BLTP1: variants seen among roughly 807,000 people sequenced by gnomAD.
BLTP1 encodes fragile site-associated protein.
the BLTP1 span, chr4:122,341,795 T>G: frequency 1.9e-5 from 19 of 985,304 alleles, no homozygotes; most frequent in Non-Finnish European, 2.0e-5. Context: ...ATGTGGAGCC[T>G]AAACTGAATT....
the BLTP1 span, chr4:122,331,404 C>T: frequency 6.2e-7 from 1 of 1,612,060 alleles, no homozygotes; most frequent in South Asian, 1.1e-5. Flanking sequence ...CAACACCAGT[C>T]AATAGAAGTC....
chr4:122,260,027 T>C, the BLTP1 span: 15 of 527,372 alleles, frequency 2.8e-5, no homozygotes, highest in Non-Finnish European at 3.4e-5. Flanking sequence ...TTCTGAGAAA[T>C]GGATCATTAG....
the BLTP1 span, chr4:122,333,634 A>C: frequency 6.3e-7 from 1 of 1,597,034 alleles, no homozygotes; most frequent in Non-Finnish European, 8.5e-7. Context: ...CACAGGAGTT[A>C]TGATCGAAGT....
the BLTP1 span, among the ~76,000 whole-genome samples, chr4:122,213,441 T>C: frequency 2.6e-5 from 4 of 151,342 alleles, no homozygotes; most frequent in East Asian, 5.8e-4. Flanking sequence ...TTTTATAATA[T>C]ATTCAAATTC....
At chr4:122,235,573 A>G in the BLTP1 span, 1 of 504,900 alleles carries the variant, frequency 2.0e-6, no homozygotes, top group Non-Finnish European at 2.6e-6. Context: ...TGGGAGGCCA[A>G]GGTGGGCGGA....
chr4:122,154,061 A>C, the BLTP1 span: 10 of 985,072 alleles, frequency 1.0e-5, no homozygotes, highest in Non-Finnish European at 1.2e-5. Flanking sequence ...AGGCTATCTG[A>C]AGAAAAGTAG....
chr4:122,309,533 A>G, the BLTP1 span: 1 of 1,446,752 alleles, frequency 6.9e-7, no homozygotes, highest in Non-Finnish European at 9.5e-7. Flanking sequence ...CCATTTGTGA[A>G]ATTAAAAGAT....
chr4:122,182,856 A>T, the BLTP1 span: 1 of 984,930 alleles, frequency 1.0e-6, no homozygotes, highest in Non-Finnish European at 1.2e-6. Context: ...CCAGCTTAAC[A>T]CAATGATTAA....
chr4:122,354,669 CTT>C, the BLTP1 span, among the ~76,000 whole-genome samples: 21 of 134,988 alleles, frequency 1.6e-4, no homozygotes, highest in Admixed American at 3.7e-4. Flanking sequence ...TTTTTCTTTT[CTT>C]TTTTTTTTTT....
chr4:122,292,526 G>A, the BLTP1 span: 7 of 822,968 alleles, frequency 8.5e-6, no homozygotes, highest in Non-Finnish European at 1.0e-5. Flanking sequence ...AAAAGTGAAA[G>A]GCTTACATTT....
chr4:122,330,869 A>G, the BLTP1 span: 2 of 388,080 alleles, frequency 5.2e-6, no homozygotes, highest in Non-Finnish European at 7.0e-6. Flanking sequence ...TTTTGAGTTG[A>G]TTTTTTTGTA....
the BLTP1 span, among the ~76,000 whole-genome samples, chr4:122,317,809 T>G: frequency 0.24 from 36,790 of 152,030 alleles, 4,840 homozygotes; most frequent in African/African-American, 0.31. Context: ...TGAAGCAAAA[T>G]ATACCTTTCC....
chr4:122,246,294 C>G, the BLTP1 span: 1 of 1,566,648 alleles, frequency 6.4e-7, no homozygotes, highest in South Asian at 1.2e-5. Flanking sequence ...GTTAGCATAC[C>G]AAAGGTAACA....
At chr4:122,325,721 G>A in the BLTP1 span, 4 of 845,894 alleles carry the variant, frequency 4.7e-6, no homozygotes, top group Middle Eastern at 3.5e-4. Flanking sequence ...CAGCTTCAAA[G>A]TTGTATTCTA....
At chr4:122,244,086 G>A in the BLTP1 span, 7,828 of 1,483,138 alleles carry the variant, frequency 5.3e-3, 361 homozygotes, top group African/African-American at 0.096. Flanking sequence ...TCTGTGATAT[G>A]ATAAGTATAT....
the BLTP1 span, chr4:122,330,905 AT>A: frequency 3.9e-4 from 292 of 744,368 alleles, no homozygotes; most frequent in Middle Eastern, 7.1e-4. Context: ...GTTCAATTTC[AT>A]TTTTTTTGAT....
At chr4:122,292,415 A>G in the BLTP1 span, 9 of 830,024 alleles carry the variant, frequency 1.1e-5, no homozygotes, top group Middle Eastern at 6.2e-4. Context: ...TAGTATTACA[A>G]TATTCAAAGT....
chr4:122,215,640 G>A, the BLTP1 span: 1 of 796,580 alleles, frequency 1.3e-6, no homozygotes, highest in Admixed American at 6.2e-5. Flanking sequence ...ATTTCATAAA[G>A]GCTTCTGGAG....
the BLTP1 span, chr4:122,174,708 G>C: frequency 2.4e-6 from 3 of 1,258,618 alleles, no homozygotes; most frequent in South Asian, 4.2e-5. Context: ...TAAAAATATT[G>C]TTAAAATGTT....
Sources: allele counts gnomAD v4.1 joint callset (sites outside exome capture counted in the v4.1 genomes callset), GRCh38; gene constraint gnomAD v4.1.1; transcripts MANE v1.5; gene names NCBI Gene and HGNC (gene_info 2026-07-23, HGNC 2026-07-21).